The following BMP6 variants were observed in gnomAD, a reference collection of about 807,000 sequenced individuals.
The protein encoded by BMP6 is VG-1-R.
BMP6 carries 17 observed loss-of-function variants against 54.1 expected under a neutral mutation model. That is an observed-to-expected ratio of 0.31 (90% CI 0.22 to 0.47). BMP6 has a LOEUF of 0.47. BMP6 is among the 20% of genes least tolerant of loss of function. The pLI, the probability that BMP6 is intolerant of heterozygous loss-of-function variation, is 1.00. For missense variants in BMP6, 720 were observed against 690.4 expected, an observed-to-expected ratio of 1.04 and a Z score of -0.48; for synonymous variants, 328 against 291.2, an observed-to-expected ratio of 1.13 and a Z score of -1.28.
chr6:7,766,573 G>C (rs980671023), intron 1 of BMP6, among the ~76,000 whole-genome samples: 1 of 152,116 alleles, frequency 6.6e-6, no homozygotes. Context: ...AGCCAAGATC[G>C]TGCCACTGCA....
intron 4 of BMP6, among the ~76,000 whole-genome samples, chr6:7,869,172 C>T (rs1349551295): frequency 1.3e-5 from 2 of 152,220 alleles, no homozygotes; most frequent in East Asian, 1.9e-4. Context: ...GCAGCCTCCC[C>T]GCACAATGCC....
chr6:7,754,182 A>G (rs980393016), intron 1 of BMP6, among the ~76,000 whole-genome samples: 7 of 152,096 alleles, frequency 4.6e-5, no homozygotes, highest in Non-Finnish European at 1.0e-4. Context: ...CAGTGGTGCA[A>G]TCACAGCTCA....
intron 1 of BMP6, among the ~76,000 whole-genome samples, chr6:7,787,077 A>G (rs1303791537): frequency 6.6e-6 from 1 of 152,146 alleles, no homozygotes; most frequent in Admixed American, 6.6e-5. Context: ...CTTTTCCAAT[A>G]ATCTTCTGAT....
rs751437575 is a variant in BMP6, at chr6:7,862,516, CTG to C, written c.1204+22_1204+23del. On this transcript the variant is annotated intron_variant, in intron 4 of 6. Transcript: ENST00000283147. ...TGCTTCAGGTGGGTTTGTGGGGAGC[CTG>C]TGTTTCCAGAAAGCCTTGTTGGCCT... 2 of 1,612,948 alleles carry C rather than the reference CTG, an allele frequency of 1.2e-6. No homozygotes were observed. Among genetic ancestry groups the C allele is most frequent in the Non-Finnish European group, 1.7e-6 (2 of 1,179,550 alleles).
rs778664842 is a variant in BMP6, at chr6:7,838,941, CAA to C, written c.665-6179_665-6178del. Among the ~76,000 whole-genome samples, 335 of 59,140 alleles carry C rather than the reference CAA, an allele frequency of 5.7e-3. 1 individual carries two copies. Among genetic ancestry groups the C allele is most frequent in the African/African-American group, 0.017 (310 of 17,718 alleles). 38.8% of individuals were successfully genotyped at this position (59,140 alleles called of 152,430 possible). ...TGGGTGACAGAGCGAGACTCTGTCT[CAA>C]AAAAAAAAAAAAAAAAAAAGACTGT... On this transcript the variant is annotated intron_variant, in intron 1 of 6. Transcript: ENST00000283147.
chr6:7,813,150 A>T (rs866966348), intron 1 of BMP6, among the ~76,000 whole-genome samples: 31 of 89,584 alleles, frequency 3.5e-4, no homozygotes, highest in African/African-American at 6.1e-4. Context: ...TATATATATA[A>T]AATTAGTGGG....
intron 2 of BMP6, among the ~76,000 whole-genome samples, chr6:7,855,537 ATCTC>A (rs34465524): frequency 3.7e-4 from 37 of 100,864 alleles, no homozygotes; most frequent in African/African-American, 9.0e-4. Context: ...CTTAATCTCA[ATCTC>A]TCTCTCTCTC....
At chr6:7,804,480 A>G (rs991572096) in intron 1 of BMP6, among the ~76,000 whole-genome samples, 3 of 152,180 alleles carry the variant, frequency 2.0e-5, no homozygotes, top group African/African-American at 4.8e-5. Flanking sequence ...AGGCAGCTCT[A>G]TGACTATTGG....
rs528228013 is a variant in BMP6 at position 7,873,001 on chromosome 6, G to T, written c.1205-6073G>T. 2.6e-5 allele frequency among the ~76,000 whole-genome samples: 4 copies of T among 151,828 alleles called. No individual in the cohort carries two copies. In the East Asian group the frequency reaches 7.7e-4, roughly 29 times the overall value. On this transcript the variant is annotated intron_variant, in intron 4 of 6. Coordinates refer to ENST00000283147, the MANE Select transcript of BMP6 (RefSeq NM_001718.6). ...CTAATTTTATATCTTGTAGAGACAG[G>T]GTCTGTGTTGCCCAGGCTGATCTCA...
intron 1 of BMP6, among the ~76,000 whole-genome samples, chr6:7,772,109 C>T (rs1757798852): frequency 6.6e-6 from 1 of 151,936 alleles, no homozygotes; most frequent in Non-Finnish European, 1.5e-5. Flanking sequence ...TTTTAGCTTT[C>T]ATGCTTCAAC....
chr6:7,829,303 C>A (rs1758752115), intron 1 of BMP6, among the ~76,000 whole-genome samples: 1 of 152,112 alleles, frequency 6.6e-6, no homozygotes, highest in Non-Finnish European at 1.5e-5. Context: ...TCCTTCCCTA[C>A]CTCCCTCCAG....
chr6:7,793,138 C>T (rs1420755122), intron 1 of BMP6, among the ~76,000 whole-genome samples: 2 of 151,578 alleles, frequency 1.3e-5, no homozygotes, highest in African/African-American at 2.4e-5. Context: ...CTTAATATTC[C>T]TGTAGATGAA....
At chr6:7,843,899 T>G (rs1406471987) in intron 1 of BMP6, among the ~76,000 whole-genome samples, 1 of 152,248 alleles carries the variant, frequency 6.6e-6, no homozygotes, top group African/African-American at 2.4e-5. Context: ...CTAGCTTCAT[T>G]GTGGTGTAAT....
At chr6:7,775,736 C>T (rs114343473) in intron 1 of BMP6, among the ~76,000 whole-genome samples, 1,906 of 152,234 alleles carry the variant, frequency 0.013, 42 homozygotes, top group African/African-American at 0.043. Context: ...TTCTTCCAGG[C>T]GTCTGGGGTC....
rs537940936 is a variant in BMP6, at chr6:7,796,926, C to T, written c.665-48214C>T. 4.1e-4 allele frequency among the ~76,000 whole-genome samples: 63 copies of T among 152,278 alleles called. 1 individual carries two copies. Among genetic ancestry groups the T allele is most frequent in the African/African-American group, 1.2e-3 (48 of 41,564 alleles). ...ATAATTCGTTCTGTTTCCCAGGTAT[C>T]GGCACAATCATAGGCTCATAAACAG... On this transcript the variant is annotated intron_variant, in intron 1 of 6. Transcript: ENST00000283147.
chr6:7,862,007 G>A (rs890844810), intron 3 of BMP6, among the ~76,000 whole-genome samples: 1 of 152,186 alleles, frequency 6.6e-6, no homozygotes, highest in Non-Finnish European at 1.5e-5. Context: ...CTGCTGATCT[G>A]TCCACCAGGG....
chr6:7,807,974 G>A (rs1040935754), intron 1 of BMP6, among the ~76,000 whole-genome samples: 2 of 139,438 alleles, frequency 1.4e-5, no homozygotes, highest in Non-Finnish European at 3.0e-5. Context: ...AGGCTGGAGT[G>A]CAGTGGCACG....
intron 1 of BMP6, among the ~76,000 whole-genome samples, chr6:7,751,405 A>G (rs540421979): frequency 1.3e-5 from 2 of 152,346 alleles, no homozygotes; most frequent in East Asian, 3.9e-4. Context: ...TTGTTAAGAA[A>G]TGAATAACAA....
Position 7,878,926 on chromosome 6 carries a change from G to T in BMP6, c.1205-148G>T, listed in dbSNP as rs553075451. On this transcript the variant is annotated intron_variant, in intron 4 of 6. Coordinates refer to ENST00000283147, the MANE Select transcript of BMP6 (RefSeq NM_001718.6). The stretch of plus-strand genomic sequence containing the variant: ...CATTCAAGCCAACAGTCAGGAACCT[G>T]ATGTAGCTGTTGGGTGACCATACTT... 4 of 771,898 alleles carry T rather than the reference G, an allele frequency of 5.2e-6. No individual in the cohort carries two copies. In the African/African-American group the frequency reaches 6.9e-5, roughly 13 times the overall value. 47.8% of individuals were successfully genotyped at this position (771,898 alleles called of 1,614,324 possible).
Sources: gnomAD v4.1 joint callset for allele counts (sites outside exome capture counted in the v4.1 genomes callset) on GRCh38, gnomAD v4.1.1 for gene constraint, MANE v1.5 for transcripts, NCBI Gene and HGNC (gene_info 2026-07-23, HGNC 2026-07-21) for gene names.